HDX: variants seen among roughly 807,000 people sequenced by gnomAD.
HDX encodes the protein chromosome X open reading frame 43.
Under a neutral mutation model 45.2 loss-of-function variants are expected in HDX, and 19 were observed. The observed-to-expected ratio is 0.42, with a 90% confidence interval of 0.29 to 0.62. HDX has a LOEUF of 0.62. Among genes scored for constraint, HDX ranks in the 20% least tolerant of loss-of-function variants. HDX has a pLI of 0.20. For missense variants in HDX, 532 were observed against 493.9 expected, an observed-to-expected ratio of 1.08 and a Z score of -0.73; for synonymous variants, 188 against 172.8, an observed-to-expected ratio of 1.09 and a Z score of -0.69.
At chrX:84,406,170 C>A (rs2038814926) in intron 5 of HDX, among the ~76,000 whole-genome samples, 1 of 110,671 alleles carries the variant, frequency 9.0e-6, no homozygotes, top group Non-Finnish European at 1.9e-5. Flanking sequence ...CAGAATATGA[C>A]ACATGATTTA....
chrX:84,406,505 C>T (rs757555720), intron 5 of HDX, among the ~76,000 whole-genome samples: 2 of 64,434 alleles, frequency 3.1e-5, no homozygotes, highest in African/African-American at 5.5e-5. Flanking sequence ...CACACATACA[C>T]ACACACACAC....
intron 5 of HDX, among the ~76,000 whole-genome samples, chrX:84,414,911 T>C (rs1228935229): frequency 8.9e-6 from 1 of 112,290 alleles, no homozygotes; most frequent in African/African-American, 3.2e-5. Context: ...GCTAGTATTA[T>C]TTTTATTACT....
At chrX:84,475,548 G>A in intron 2 of HDX, 151 bp from the exon 3 acceptor site, 3 of 395,056 alleles carry the variant, frequency 7.6e-6, no homozygotes, top group South Asian at 1.1e-4. Flanking sequence ...TAATTTGTGT[G>A]CTAAAGGGAG....
At chrX:84,363,039 G>T (rs2037660669) in intron 5 of HDX, among the ~76,000 whole-genome samples, 1 of 111,360 alleles carries the variant, frequency 9.0e-6, no homozygotes, top group African/African-American at 3.3e-5. Context: ...ATCATATTTT[G>T]TGTGTGTGTG....
At chrX:84,322,394 C>G (rs984394823) in intron 10 of HDX, among the ~76,000 whole-genome samples, 5 of 111,178 alleles carry the variant, frequency 4.5e-5, no homozygotes, top group African/African-American at 1.6e-4. Context: ...AATATTCATG[C>G]CAGTTATGCT....
intron 6 of HDX, among the ~76,000 whole-genome samples, chrX:84,348,349 A>G (rs938836631): frequency 1.8e-5 from 2 of 111,241 alleles, no homozygotes; most frequent in Non-Finnish European, 3.8e-5. Context: ...CTCTGCTTAC[A>G]TTACCATTCT....
chrX:84,402,169 C>A (rs778603760), intron 5 of HDX, among the ~76,000 whole-genome samples: 56 of 111,189 alleles, frequency 5.0e-4, no homozygotes, highest in African/African-American at 1.8e-3. Context: ...ATGTAACAAA[C>A]CTGCATGTTC....
chrX:84,414,658 A>G lies in HDX; in HGVS notation c.1305+25874T>C, dbSNP rs142375033. On this transcript the variant is annotated intron_variant, in intron 5 of 10. Transcript: ENST00000373177. ...TAACATTTTCCCTTTCCTGATGATAATACAATGTATAATACCATGATTTGG... is the reference window on the plus strand; with the variant it reads ...TAACATTTTCCCTTTCCTGATGATAGTACAATGTATAATACCATGATTTGG... Among the ~76,000 whole-genome samples the G allele has an allele frequency of 2.7e-4, 30 of 111,795 alleles. No individual in the cohort carries two copies. The East Asian group carries it at 8.2e-3, about 31-fold the overall frequency.
intron 5 of HDX, among the ~76,000 whole-genome samples, chrX:84,390,541 C>T (rs1361488882): frequency 9.0e-6 from 1 of 111,465 alleles, no homozygotes; most frequent in African/African-American, 3.3e-5. Context: ...TTTAAGAGCA[C>T]GATTATAACA....
chrX:84,355,440 C>A (rs2037457280), intron 6 of HDX, among the ~76,000 whole-genome samples: 1 of 111,609 alleles, frequency 9.0e-6, no homozygotes, highest in Admixed American at 9.6e-5. Context: ...GTATTATCCT[C>A]ATTTAGGAAT....
chrX:84,402,604 T>C (rs2038731568), intron 5 of HDX, among the ~76,000 whole-genome samples: 1 of 111,627 alleles, frequency 9.0e-6, no homozygotes, highest in Non-Finnish European at 1.9e-5. Context: ...TGTTTCCATC[T>C]CCTGTTTTTT....
intron 5 of HDX, among the ~76,000 whole-genome samples, chrX:84,436,941 G>A (rs1202318240): frequency 1.8e-5 from 2 of 109,717 alleles, no homozygotes; most frequent in African/African-American, 6.6e-5. Flanking sequence ...GTGAGGCATT[G>A]TAGTTCTCAA....
In HDX at chrX:84,450,728, G is replaced by A. The variant is rs1309866072; in HGVS notation, c.1252-10143C>T. On this transcript the variant is annotated intron_variant, in intron 4 of 10. Transcript: ENST00000373177. ...ACATTTACAGAATATTTCATCAAAT[G>A]GCTACAGAATACACATTCTTCGCAA... 8.0e-5 allele frequency among the ~76,000 whole-genome samples: 9 copies of A among 112,160 alleles called. No individual in the cohort carries two copies. The South Asian group carries it at 3.3e-3, about 41-fold the overall frequency.
intron 5 of HDX, among the ~76,000 whole-genome samples, chrX:84,399,757 C>A (rs2038654494): frequency 9.0e-6 from 1 of 110,841 alleles, no homozygotes; most frequent in East Asian, 2.8e-4. Flanking sequence ...CAGGAACACA[C>A]ACACAAAAAA....
At chrX:84,430,410 A>G (rs1251598917) in intron 5 of HDX, among the ~76,000 whole-genome samples, 3 of 111,097 alleles carry the variant, frequency 2.7e-5, no homozygotes, top group Non-Finnish European at 3.8e-5. Flanking sequence ...TTCTTTATCC[A>G]TTCATCTGTT....
intron 9 of HDX, among the ~76,000 whole-genome samples, chrX:84,327,774 T>A (rs2036747236): frequency 9.0e-6 from 1 of 110,935 alleles, no homozygotes; most frequent in South Asian, 3.8e-4. Context: ...TATGGAACTT[T>A]AAAAAAAAGA....
intron 5 of HDX, among the ~76,000 whole-genome samples, chrX:84,416,418 T>C (rs190608181): frequency 8.9e-6 from 1 of 112,053 alleles, no homozygotes; most frequent in African/African-American, 3.2e-5. Flanking sequence ...ATGGTGATTA[T>C]ATTTCATTGT....
At chrX:84,401,755 A>C (rs1400771193) in intron 5 of HDX, among the ~76,000 whole-genome samples, 1 of 112,294 alleles carries the variant, frequency 8.9e-6, no homozygotes, top group Non-Finnish European at 1.9e-5. Flanking sequence ...ACACATGCAC[A>C]CGTATGTTTA....
At chrX:84,419,974 T>C (rs1454613584) in intron 5 of HDX, among the ~76,000 whole-genome samples, 1 of 111,828 alleles carries the variant, frequency 8.9e-6, no homozygotes, top group Non-Finnish European at 1.9e-5. Flanking sequence ...AGGTGCCACC[T>C]AAAGAAGATG....
Sources: gnomAD v4.1 joint callset for allele counts (sites outside exome capture counted in the v4.1 genomes callset) on GRCh38, gnomAD v4.1.1 for gene constraint, MANE v1.5 for transcripts, NCBI Gene and HGNC (gene_info 2026-07-23, HGNC 2026-07-21) for gene names.